The following ANKRD30A variants were observed in gnomAD, a reference collection of about 807,000 sequenced individuals.
The protein encoded by ANKRD30A is ankyrin repeat domain-containing protein 30A.
In ANKRD30A, 170 loss-of-function variants were observed where a neutral mutation model predicts 166.3. The ratio of observed to expected loss-of-function variants is 1.02; its 90% CI spans 0.90 to 1.16. The LOEUF is 1.16. ANKRD30A is among the 50% of genes most tolerant of loss of function. ANKRD30A has a pLI of 0.00. For synonymous variants in ANKRD30A, 564 were observed against 508.9 expected, an observed-to-expected ratio of 1.11 and a Z score of -1.46; for missense variants, 1,630 against 1,518.0, an observed-to-expected ratio of 1.07 and a Z score of -1.23.
chr10:37,162,581 C>G, intron 15 of ANKRD30A, 68 bp from the exon 16 acceptor site: 2 of 1,581,672 alleles, frequency 1.3e-6, no homozygotes, highest in Non-Finnish European at 1.7e-6. Context: ...AATACTATCA[C>G]GGCATTCATT....
intron 31 of ANKRD30A, among the ~76,000 whole-genome samples, chr10:37,203,760 C>T (rs1325079586): frequency 6.6e-6 from 1 of 152,164 alleles, no homozygotes; most frequent in East Asian, 1.9e-4. Flanking sequence ...CCGAAATCTT[C>T]TTAAGCTGAT....
rs751652945 is a variant in ANKRD30A, at chr10:37,130,189, G to T, written c.337-16G>T. On this transcript the variant is annotated splice_polypyrimidine_tract_variant and intron_variant, in intron 2 of 35. Transcript: ENST00000361713. The stretch of plus-strand genomic sequence containing the variant: ...AATTATACAGTTTACAATAATTCTT[G>T]CTTTAATACTGACAGGCTCTACAAT... 1.5e-4 allele frequency: 223 copies of T among 1,533,180 alleles called. No homozygotes were observed. Among genetic ancestry groups the T allele is most frequent in the Non-Finnish European group, 1.8e-4 (201 of 1,141,726 alleles). 95.0% of individuals were successfully genotyped at this position (1,533,180 alleles called of 1,614,324 possible).
At chr10:37,206,079 A>G (rs2132707744) in intron 31 of ANKRD30A, among the ~76,000 whole-genome samples, 1 of 152,314 alleles carries the variant, frequency 6.6e-6, no homozygotes, top group South Asian at 2.1e-4. Flanking sequence ...TTACTTCTGA[A>G]CAAGAGAAAG....
At chr10:37,134,345 A>AT (rs1181477351) in intron 5 of ANKRD30A, among the ~76,000 whole-genome samples, 1 of 152,134 alleles carries the variant, frequency 6.6e-6, no homozygotes, top group Non-Finnish European at 1.5e-5. Context: ...AAATACTTGA[A>AT]TTTTTTAAAA....
intron 7 of ANKRD30A, among the ~76,000 whole-genome samples, chr10:37,143,600 G>C (rs1405367903): frequency 6.6e-6 from 1 of 151,966 alleles, no homozygotes; most frequent in Non-Finnish European, 1.5e-5. Context: ...GTTGCAGTGA[G>C]CTGAGATCGT....
chr10:37,133,798 C>A, intron 4 of ANKRD30A, 118 bp from the exon 5 acceptor site: 2 of 1,233,346 alleles, frequency 1.6e-6, no homozygotes, highest in Non-Finnish European at 2.3e-6. Context: ...AGGATAAACA[C>A]TTGAGCACTC....
chr10:37,250,997 T>C, the ANKRD30A span, among the ~76,000 whole-genome samples: 8 of 151,968 alleles, frequency 5.3e-5, no homozygotes, highest in African/African-American at 1.9e-4. Context: ...AACTACAGCA[T>C]AGAGAGGAGA....
chr10:37,161,748 T>A (rs889212750), intron 15 of ANKRD30A, among the ~76,000 whole-genome samples: 1 of 152,152 alleles, frequency 6.6e-6, no homozygotes, highest in African/African-American at 2.4e-5. Context: ...GCTATACAAA[T>A]GACACATATT....
intron 29 of ANKRD30A, among the ~76,000 whole-genome samples, chr10:37,198,718 G>T (rs190457330): frequency 6.6e-6 from 1 of 151,986 alleles, no homozygotes; most frequent in Non-Finnish European, 1.5e-5. Context: ...AAATATGAAC[G>T]TTAGCTATGC....
chr10:37,218,937 A>G (rs762073076), intron 33 of ANKRD30A, 43 bp from the exon 34 acceptor site: 2 of 1,315,574 alleles, frequency 1.5e-6, no homozygotes, highest in South Asian at 1.5e-5. Flanking sequence ...ATGATATGCC[A>G]TTTTATTGAG....
intron 27 of ANKRD30A, among the ~76,000 whole-genome samples, chr10:37,193,731 AAAT>A (rs1464711086): frequency 6.6e-6 from 1 of 152,126 alleles, no homozygotes; most frequent in Non-Finnish European, 1.5e-5. Flanking sequence ...TAATTTTAAA[AAAT>A]CAGTCAAGCA....
intron 13 of ANKRD30A, among the ~76,000 whole-genome samples, chr10:37,153,962 C>T (rs111526414): frequency 2.0e-5 from 3 of 151,950 alleles, no homozygotes; most frequent in Non-Finnish European, 4.4e-5. Context: ...AAAGACAGAA[C>T]GTACAGAGAG....
chr10:37,141,215 T>C (rs536406200), intron 6 of ANKRD30A, among the ~76,000 whole-genome samples: 14 of 152,270 alleles, frequency 9.2e-5, no homozygotes, highest in African/African-American at 3.4e-4. Flanking sequence ...TTATGTCATG[T>C]CGTTACTGTA....
intron 31 of ANKRD30A, among the ~76,000 whole-genome samples, chr10:37,203,236 A>G (rs1012470094): frequency 6.6e-5 from 10 of 152,354 alleles, no homozygotes; most frequent in East Asian, 3.9e-4. Context: ...AAAATCCTCA[A>G]TAAAATACTG....
chr10:37,215,046 G>A (rs1361096501), intron 31 of ANKRD30A, among the ~76,000 whole-genome samples: 1 of 151,420 alleles, frequency 6.6e-6, no homozygotes, highest in Non-Finnish European at 1.5e-5. Flanking sequence ...ATTGTAACTT[G>A]TATCTCTACA....
At chr10:37,134,089 A>G (rs1425099353) in intron 5 of ANKRD30A, 36 bp downstream of exon 5, 1 of 1,606,750 alleles carries the variant, frequency 6.2e-7, no homozygotes. Flanking sequence ...GTGAGATTTT[A>G]TAGTTTGTTT....
In ANKRD30A at chr10:37,189,761, T is replaced by C. The variant is rs528561137; in HGVS notation, c.2512+204T>C. Among the ~76,000 whole-genome samples, 85 of 150,406 alleles carry C rather than the reference T, an allele frequency of 5.7e-4. 2 individuals carry two copies. The highest frequency in any genetic ancestry group is 4.0e-4 in the Admixed American group (6 of 15,072). ...GAGTGCTGAAGAGGAGCTGAATTACTAGTTTAAATTCAAGATATTCCAAGA... is the reference window on the plus strand; with the variant it reads ...GAGTGCTGAAGAGGAGCTGAATTACCAGTTTAAATTCAAGATATTCCAAGA... On this transcript the variant is annotated intron_variant, in intron 25 of 35. Transcript: ENST00000361713.
chr10:37,160,992 G>A (rs959435337), intron 15 of ANKRD30A, among the ~76,000 whole-genome samples: 8 of 152,162 alleles, frequency 5.3e-5, no homozygotes, highest in Non-Finnish European at 8.8e-5. Context: ...GGTGGCTCAC[G>A]CCTGTAATCC....
chr10:37,198,966 T>G (rs1384739483), intron 29 of ANKRD30A, among the ~76,000 whole-genome samples: 2 of 152,086 alleles, frequency 1.3e-5, no homozygotes, highest in African/African-American at 2.4e-5. Flanking sequence ...CCTCAAGTCT[T>G]GAGTGGGCCT....
Sources: allele counts gnomAD v4.1 joint callset (sites outside exome capture counted in the v4.1 genomes callset), GRCh38; gene constraint gnomAD v4.1.1; transcripts MANE v1.5; gene names NCBI Gene and HGNC (gene_info 2026-07-23, HGNC 2026-07-21).